POU2F2: variants seen among roughly 807,000 people sequenced by gnomAD.
The protein encoded by POU2F2 is POU class 2 homeobox 2.
In POU2F2, 14 loss-of-function variants were observed where a neutral mutation model predicts 63.5. The ratio of observed to expected loss-of-function variants is 0.22; its 90% CI spans 0.15 to 0.34. POU2F2 has a LOEUF of 0.34. Among genes scored for constraint, POU2F2 ranks in the 10% least tolerant of loss-of-function variants. POU2F2 has a pLI of 1.00. For missense variants in POU2F2, 607 were observed against 815.2 expected (o/e 0.74, Z 3.11); for synonymous variants, 306 against 348.6 (o/e 0.88, Z 1.36).
At chr19:42,168,791 A>C (rs1005767621) in intron 1 of POU2F2, among the ~76,000 whole-genome samples, 6 of 152,176 alleles carry the variant, frequency 3.9e-5, no homozygotes, top group Admixed American at 3.9e-4. Context: ...ATATGTGTAC[A>C]CATTTAGAAT....
At chr19:42,114,832 G>C (rs557693340) in intron 5 of POU2F2, among the ~76,000 whole-genome samples, 1 of 152,324 alleles carries the variant, frequency 6.6e-6, no homozygotes, top group South Asian at 2.1e-4. Flanking sequence ...GTTACTTCAA[G>C]AGCCAGGTAT....
chr19:42,102,378 G>C (rs2077176317), intron 5 of POU2F2, among the ~76,000 whole-genome samples: 1 of 152,140 alleles, frequency 6.6e-6, no homozygotes, highest in Non-Finnish European at 1.5e-5. Context: ...TTCTAGATCT[G>C]GGTACCAGTT....
At position 42,153,792 on chromosome 19, in the gene POU2F2, G is replaced by A. The variant is rs1445180492; in HGVS notation, c.-9+6540C>T. 1.3e-5 allele frequency among the ~76,000 whole-genome samples: 2 copies of A among 152,014 alleles called. No individual in the cohort carries two copies. ...GTAGACGGCACGGTGTATGTGTGTA[G>A]AGGCTACAACCCTGAGTCTCTGAGT... On this transcript the variant is annotated intron_variant, in intron 2 of 6. Coordinates refer to the POU2F2 transcript ENST00000524801. This position sits in a 1 kb window ranked among gnomAD's most constrained non-coding sequence, Gnocchi z 5.6.
intron 5 of POU2F2, among the ~76,000 whole-genome samples, chr19:42,100,147 A>G (rs887935467): frequency 8.5e-6 from 1 of 118,252 alleles, no homozygotes; most frequent in Non-Finnish European, 1.6e-5. Context: ...GCTGGAGTGC[A>G]GTGGTGTGAT....
Position 42,095,370 on chromosome 19 carries a change from G to C in POU2F2, c.1113C>G (p.Arg371=). 1 of 1,614,002 alleles carries C rather than the reference G, an allele frequency of 6.2e-7. No individual in the cohort carries two copies. The highest frequency in any genetic ancestry group is 8.5e-7 in the Non-Finnish European group (1 of 1,180,022). The part of the protein sequence containing the change: ...EVIRVWFCNR[R]QKEKRINPCS... ...AGGGGTTGATGCGTTTCTCCTTCTG[G>C]CGCCGGTTGCAGAACCAGACGCGGA... The change falls in exon 11 of 15, where the codon CGC becomes CGG. Residue 371 remains arginine, a synonymous_variant. Coordinates refer to ENST00000692977, the MANE Select transcript of POU2F2 (RefSeq NM_001394376.1). This position sits in a 1 kb window ranked among gnomAD's most constrained non-coding sequence, Gnocchi z 7.1.
In POU2F2 at chr19:42,122,591, G is replaced by A. The variant is rs2146631614; in HGVS notation, c.29-15C>T. The A allele has an allele frequency of 1.9e-6, 3 of 1,556,636 alleles. No homozygotes were observed. The highest frequency in any genetic ancestry group is 2.6e-6 in the Non-Finnish European group (3 of 1,148,914). On this transcript the variant is annotated splice_polypyrimidine_tract_variant and intron_variant, in intron 1 of 14. Transcript: ENST00000692977. ...CATTCTTATTTCTGGGGACAGAGGA[G>A]GAATGGAAGTGGGGTGAAGGAGGGG... is the stretch of plus-strand genomic sequence containing the variant.
In POU2F2 at chr19:42,108,677, C is replaced by T. The variant is rs556553305; in HGVS notation, c.369+8573G>A. Among the ~76,000 whole-genome samples the T allele has an allele frequency of 5.3e-5, 8 of 152,272 alleles. No individual in the cohort carries two copies. In the South Asian group the frequency reaches 1.5e-3, roughly 28 times the overall value. On this transcript the variant is annotated intron_variant, in intron 5 of 14. Transcript: ENST00000692977. The stretch of plus-strand genomic sequence containing the variant: ...AGGACTAGGGTAAGCCGGTAGGAGG[C>T]GCCATTTCTCCACAATCCAGCGGCA...
intron 5 of POU2F2, chr19:42,116,873 C>T (rs772662715): frequency 9.3e-5 from 41 of 441,918 alleles, no homozygotes; most frequent in Admixed American, 2.4e-4. Context: ...GAGGAGGAGG[C>T]GGAGGCGGCG....
intron 1 of POU2F2, among the ~76,000 whole-genome samples, chr19:42,165,692 A>C (rs527962102): frequency 7.2e-5 from 11 of 152,208 alleles, no homozygotes; most frequent in Admixed American, 6.5e-4. Flanking sequence ...TAGCATGAAG[A>C]TAATAATAAC....
At position 42,169,141 on chromosome 19, in the gene POU2F2, C is replaced by T. The variant is rs1288751340; in HGVS notation, c.-70+6822G>A. ...TTGAACATCTACCTATTTTGTTTTG[C>T]TTTAGGGGGATGAGGCTAGCCTGGG... On this transcript the variant is annotated intron_variant, in intron 1 of 6. Coordinates refer to the POU2F2 transcript ENST00000524801. The surrounding 1 kb of genome is among the most constrained non-coding windows in gnomAD (Gnocchi z 4.3). Among the ~76,000 whole-genome samples, 1 of 151,938 alleles carries T rather than the reference C, an allele frequency of 6.6e-6. No homozygotes were observed. The highest frequency in any genetic ancestry group is 2.4e-5 in the African/African-American group (1 of 41,344).
At chr19:42,170,261 T>C (rs1348250701) in intron 1 of POU2F2, among the ~76,000 whole-genome samples, 1 of 151,566 alleles carries the variant, frequency 6.6e-6, no homozygotes, top group African/African-American at 2.4e-5. Flanking sequence ...CACACAGATA[T>C]TCAAACTCTG....
intron 5 of POU2F2, among the ~76,000 whole-genome samples, chr19:42,100,378 C>T (rs901656202): frequency 2.0e-5 from 3 of 152,000 alleles, no homozygotes; most frequent in African/African-American, 4.8e-5. Flanking sequence ...CGTGAGTCAC[C>T]GAACCCGGCT....
intron 2 of POU2F2, among the ~76,000 whole-genome samples, chr19:42,150,294 G>A (rs2034315689): frequency 1.3e-5 from 2 of 151,984 alleles, no homozygotes; most frequent in South Asian, 2.1e-4. Flanking sequence ...TAGATGGGGG[G>A]TGGAAGGCTT....
chr19:42,172,901 C>G (rs901835300), intron 1 of POU2F2, among the ~76,000 whole-genome samples: 5 of 152,144 alleles, frequency 3.3e-5, no homozygotes, highest in Non-Finnish European at 7.3e-5. Flanking sequence ...GGAAATGGCG[C>G]TGGGACAGCT....
At chr19:42,194,752 C>G (rs1255215680) in intron 1 of POU2F2, among the ~76,000 whole-genome samples, 3 of 64,684 alleles carry the variant, frequency 4.6e-5, no homozygotes, top group Non-Finnish European at 7.6e-5. Flanking sequence ...GAGTGAGACT[C>G]TGTCTCAAAA....
rs1416296907 is a variant in POU2F2 at position 42,155,418 on chromosome 19, G to A, written c.-9+4914C>T. On this transcript the variant is annotated intron_variant, in intron 2 of 6. Coordinates refer to the POU2F2 transcript ENST00000524801. This position sits in a 1 kb window ranked among gnomAD's most constrained non-coding sequence, Gnocchi z 4.2. ...CCCTCTCCCTCCACTCCCATCTGGTGTATTCTGGATTCCCCTTTCTTAGAC... is the reference window on the plus strand; with the variant it reads ...CCCTCTCCCTCCACTCCCATCTGGTATATTCTGGATTCCCCTTTCTTAGAC... Among the ~76,000 whole-genome samples, 1 of 152,146 alleles carries A rather than the reference G, an allele frequency of 6.6e-6. No homozygotes were observed. The highest frequency in any genetic ancestry group is 2.4e-5 in the African/African-American group (1 of 41,420).
chr19:42,090,209 T>G lies in POU2F2; in HGVS notation c.*1048A>C, dbSNP rs1042291423. 5.2e-5 allele frequency: 8 copies of G among 152,548 alleles called. No individual in the cohort carries two copies. Among genetic ancestry groups the G allele is most frequent in the Non-Finnish European group, 1.0e-4 (7 of 68,026 alleles). 9.4% of individuals were successfully genotyped at this position (152,548 alleles called of 1,614,324 possible). A position where few individuals can be genotyped will look rare whatever the true frequency, so the allele number is the denominator to read the frequency against. On this transcript the variant is annotated 3_prime_UTR_variant, in exon 15 of 15. Transcript: ENST00000692977. This position sits in a 1 kb window ranked among gnomAD's most constrained non-coding sequence, Gnocchi z 4.4. ...GGATAGGCACTGGAATATGAATTTT[T>G]TTTTTTTTCAGGGAAACAGACAGGA...
intron 4 of POU2F2, among the ~76,000 whole-genome samples, chr19:42,120,557 C>T (rs1385989033): frequency 6.6e-6 from 1 of 152,174 alleles, no homozygotes; most frequent in African/African-American, 2.4e-5. Flanking sequence ...TTTAATAAGC[C>T]TCTTTTTTAA....
intron 5 of POU2F2, 145 bp from the exon 6 acceptor site, chr19:42,099,966 C>T (rs546268058): frequency 1.4e-4 from 96 of 669,424 alleles, no homozygotes; most frequent in African/African-American, 1.8e-4. Flanking sequence ...ATCGTCCACT[C>T]GGTCTCTGAA....
Sources: gnomAD v4.1 joint callset for allele counts (sites outside exome capture counted in the v4.1 genomes callset) on GRCh38, gnomAD v4.1.1 for gene constraint, Gnocchi (gnomAD v3.1) non-coding constraint, MANE v1.5 for transcripts, NCBI Gene and HGNC (gene_info 2026-07-23, HGNC 2026-07-21) for gene names.